Variants in FGFR1OP2 observed in about 807,000 individuals in gnomAD.
FGFR1OP2 encodes fibroblast growth factor receptor 1 oncogene partner 2.
Under a neutral mutation model 35.2 loss-of-function variants are expected in FGFR1OP2, and 17 were observed. The observed-to-expected ratio is 0.48, with a 90% CI of 0.33 to 0.73. FGFR1OP2 has a LOEUF of 0.73. Ranked by LOEUF, FGFR1OP2 falls within the 30% of genes least tolerant of loss-of-function variation. The pLI is 0.02. For synonymous variants in FGFR1OP2, 105 were observed against 104.6 expected (o/e 1.00, Z -0.03); for missense variants, 251 against 307.3 (o/e 0.82, Z 1.37).
intron 1 of FGFR1OP2, among the ~76,000 whole-genome samples, chr12:26,943,885 G>A (rs1938779119): frequency 6.6e-6 from 1 of 152,116 alleles, no homozygotes; most frequent in African/African-American, 2.4e-5. Flanking sequence ...CATGAACACA[G>A]TATGTTTCTC....
chr12:26,953,997 C>A, intron 1 of FGFR1OP2, 148 bp from the exon 2 acceptor site: 1 of 469,686 alleles, frequency 2.1e-6, no homozygotes, highest in South Asian at 8.0e-5. Flanking sequence ...GAAGCAAAAC[C>A]ACAGTGTTCT....
At chr12:26,957,146 A>G (rs1939034538) in intron 3 of FGFR1OP2, among the ~76,000 whole-genome samples, 1 of 151,900 alleles carries the variant, frequency 6.6e-6, no homozygotes, top group South Asian at 2.1e-4. Context: ...CTTCCTAAAC[A>G]CGTCATCTGT....
intron 1 of FGFR1OP2, among the ~76,000 whole-genome samples, chr12:26,939,542 T>A (rs989858123): frequency 1.3e-5 from 2 of 152,228 alleles, no homozygotes; most frequent in African/African-American, 2.4e-5. Flanking sequence ...CTCTGTACTT[T>A]TGTACGTGCG....
At chr12:26,953,033 C>A (rs914405985) in intron 1 of FGFR1OP2, among the ~76,000 whole-genome samples, 2 of 151,822 alleles carry the variant, frequency 1.3e-5, no homozygotes, top group Admixed American at 6.6e-5. Context: ...GAGGCCAAGG[C>A]GGGCGGATCA....
At chr12:26,960,108 A>C (rs1257718492) in intron 4 of FGFR1OP2, among the ~76,000 whole-genome samples, 1 of 151,954 alleles carries the variant, frequency 6.6e-6, no homozygotes, top group African/African-American at 2.4e-5. Context: ...AGAAACTTGT[A>C]TAATAAAAGC....
chr12:26,941,718 G>A (rs1938737165), intron 1 of FGFR1OP2, among the ~76,000 whole-genome samples: 1 of 152,152 alleles, frequency 6.6e-6, no homozygotes, highest in Admixed American at 6.5e-5. Flanking sequence ...AGGCTGTTAT[G>A]TCTGGAAAAT....
At chr12:26,943,921 C>A (rs980255463) in intron 1 of FGFR1OP2, among the ~76,000 whole-genome samples, 2 of 152,132 alleles carry the variant, frequency 1.3e-5, no homozygotes, top group African/African-American at 4.8e-5. Context: ...TCTTTAGTTT[C>A]TTTCATTAGC....
chr12:26,939,916 T>C (rs556457792), intron 1 of FGFR1OP2, among the ~76,000 whole-genome samples: 20 of 152,356 alleles, frequency 1.3e-4, no homozygotes, highest in African/African-American at 4.6e-4. Flanking sequence ...GAAGGAACTC[T>C]GTACATTAGC....
chr12:26,942,104 C>T (rs563543746), intron 1 of FGFR1OP2, among the ~76,000 whole-genome samples: 1 of 152,334 alleles, frequency 6.6e-6, no homozygotes, highest in East Asian at 1.9e-4. Context: ...GCGATCTCGG[C>T]TCACTGCATC....
intron 1 of FGFR1OP2, among the ~76,000 whole-genome samples, chr12:26,949,500 G>GT (rs1485613084): frequency 3.9e-5 from 6 of 152,032 alleles, no homozygotes; most frequent in Admixed American, 6.6e-5. Flanking sequence ...GCTATCCAAG[G>GT]TAAGTTTTCC....
chr12:26,963,307 T>C, intron 5 of FGFR1OP2, 35 bp from the exon 6 acceptor site: 1 of 1,413,086 alleles, frequency 7.1e-7, no homozygotes. Flanking sequence ...AAAAAAGTAT[T>C]TTGCTGATTT....
chr12:26,939,300 T>C (rs2136343236), intron 1 of FGFR1OP2, among the ~76,000 whole-genome samples: 1 of 151,510 alleles, frequency 6.6e-6, no homozygotes, highest in Admixed American at 6.6e-5. Context: ...CTGGTTTCCC[T>C]ACTATAATCC....
At chr12:26,952,938 T>C (rs1259391619) in intron 1 of FGFR1OP2, among the ~76,000 whole-genome samples, 2 of 152,096 alleles carry the variant, frequency 1.3e-5, no homozygotes, top group African/African-American at 4.8e-5. Flanking sequence ...GGATGACTTA[T>C]ATTGAACGTT....
At chr12:26,951,346 G>A (rs2136353381) in intron 1 of FGFR1OP2, among the ~76,000 whole-genome samples, 1 of 152,006 alleles carries the variant, frequency 6.6e-6, no homozygotes. Flanking sequence ...GTTAGTTATT[G>A]AGACAGCCTG....
intron 1 of FGFR1OP2, among the ~76,000 whole-genome samples, chr12:26,951,228 A>G (rs911735647): frequency 6.6e-6 from 1 of 151,826 alleles, no homozygotes; most frequent in African/African-American, 2.4e-5. Flanking sequence ...GCTCACTGCA[A>G]CCTCTGCCTA....
chr12:26,947,760 A>G (rs1345506378), intron 1 of FGFR1OP2, among the ~76,000 whole-genome samples: 1 of 152,160 alleles, frequency 6.6e-6, no homozygotes. Flanking sequence ...GTCCTCTTTT[A>G]AAATTCTGAT....
At position 26,945,024 on chromosome 12, in the gene FGFR1OP2, C is replaced by T. The variant is rs556346134; in HGVS notation, c.-15+6314C>T. On this transcript the variant is annotated intron_variant, in intron 1 of 6. Transcript: ENST00000229395. ...GGAATTTATTATTGTGTTCACTTAT[C>T]CTTTTAAGGAATTAGAGGTCTGTAG... 2.0e-5 allele frequency among the ~76,000 whole-genome samples: 3 copies of T among 152,230 alleles called. No individual in the cohort carries two copies. In the East Asian group the frequency reaches 5.8e-4, roughly 29 times the overall value.
chr12:26,950,213 G>GTTGTTTTTTTTTTTTTTTTTTTTTTTTT (rs1938898866), intron 1 of FGFR1OP2, among the ~76,000 whole-genome samples: 1 of 50,934 alleles, frequency 2.0e-5, no homozygotes, highest in African/African-American at 8.1e-5. Context: ...TGTATTCGTT[G>GTTGTTTTTTTTTTTTTTTTTTTTTTTTT]TTTTTTTTTT....
chr12:26,954,715 A>G (rs1938991526), intron 2 of FGFR1OP2, among the ~76,000 whole-genome samples: 1 of 152,200 alleles, frequency 6.6e-6, no homozygotes, highest in African/African-American at 2.4e-5. Context: ...GCAAGGTAAT[A>G]TGTGATTTAT....
Sources: allele counts gnomAD v4.1 joint callset (sites outside exome capture counted in the v4.1 genomes callset), GRCh38; gene constraint gnomAD v4.1.1; transcripts MANE v1.5; gene names NCBI Gene and HGNC (gene_info 2026-07-23, HGNC 2026-07-21).